The following MPPE1 variants were observed in gnomAD, a reference collection of about 807,000 sequenced individuals.
MPPE1 encodes metallo phosphoesterase.
Under a neutral mutation model 43.8 loss-of-function variants are expected in MPPE1, and 28 were observed. That is an observed-to-expected ratio of 0.64 (90% CI 0.47 to 0.88). The LOEUF (loss-of-function observed/expected upper bound fraction) is 0.88, where lower values mean the gene tolerates loss of function less well. Among genes scored for constraint, MPPE1 ranks in the 40% least tolerant of loss-of-function variants. The pLI, the probability that MPPE1 is intolerant of heterozygous loss-of-function variation, is 0.00. For synonymous variants in MPPE1, 159 were observed against 188.5 expected, an observed-to-expected ratio of 0.84 and a Z score of 1.28; for missense variants, 428 against 492.2, an observed-to-expected ratio of 0.87 and a Z score of 1.23.
chr18:11,896,082 CTTA>C (rs2038567754), intron 3 of MPPE1, among the ~76,000 whole-genome samples: 1 of 102,166 alleles, frequency 9.8e-6, no homozygotes, highest in African/African-American at 4.8e-5. Flanking sequence ...TTTCATTATT[CTTA>C]TTCTTTATTC....
At chr18:11,903,201 T>G (rs924755140) in intron 2 of MPPE1, among the ~76,000 whole-genome samples, 4 of 151,870 alleles carry the variant, frequency 2.6e-5, no homozygotes, top group African/African-American at 9.7e-5. Flanking sequence ...GGAGAGACAA[T>G]CTCCTGAGGG....
At chr18:11,896,082 C>CT (rs139076553) in intron 3 of MPPE1, among the ~76,000 whole-genome samples, 1,123 of 101,922 alleles carry the variant, frequency 0.011, 23 homozygotes, top group East Asian at 0.04. Context: ...TTTCATTATT[C>CT]TTATTCTTTA....
At chr18:11,903,202 C>T (rs1156620332) in intron 2 of MPPE1, among the ~76,000 whole-genome samples, 2 of 152,174 alleles carry the variant, frequency 1.3e-5, no homozygotes, top group Non-Finnish European at 2.9e-5. Context: ...GAGAGACAAT[C>T]TCCTGAGGGT....
intron 3 of MPPE1, chr18:11,895,074 C>T (rs2038446792): frequency 6.6e-6 from 1 of 152,216 alleles, no homozygotes; most frequent in Non-Finnish European, 1.5e-5. Flanking sequence ...GAATCCAAAC[C>T]TTTCCTCCTT....
Position 11,893,273 on chromosome 18 carries a change from T to C in MPPE1, c.390+195A>G, listed in dbSNP as rs1473795692. On this transcript the variant is annotated intron_variant, in intron 4 of 10. Transcript: ENST00000588072. ...TACAATTAGCCAACCTAACTCAAGA[T>C]TGAGTTGTTCTAATAATCTTAGATA... 7 of 535,030 alleles carry C rather than the reference T, an allele frequency of 1.3e-5. No homozygotes were observed. The African/African-American group carries it at 1.3e-4, about 10-fold the overall frequency. 33.1% of individuals were successfully genotyped at this position (535,030 alleles called of 1,614,324 possible).
chr18:11,907,475 C>T (rs1394215938), intron 1 of MPPE1, among the ~76,000 whole-genome samples: 1 of 152,112 alleles, frequency 6.6e-6, no homozygotes, highest in African/African-American at 2.4e-5. Flanking sequence ...TGTCACCAGC[C>T]ATGGTCACTC....
Position 11,886,653 on chromosome 18 carries a change from C to CT in MPPE1, c.745-33dup, listed in dbSNP as rs2037305421. On this transcript the variant is annotated intron_variant, in intron 8 of 10. Transcript: ENST00000588072. This position sits in a 1 kb window ranked among gnomAD's most constrained non-coding sequence, Gnocchi z 4.1. Reference sequence around the variant, plus strand: ...GGGGTGGAGAGAGGAGTTCAGGCGGCTATCGTGAAACCACAGGCTGCCTGC... The same window carrying CT: ...GGGGTGGAGAGAGGAGTTCAGGCGGCTTATCGTGAAACCACAGGCTGCCTGC... 6.2e-7 allele frequency: 1 copy of CT among 1,613,962 alleles called. No individual in the cohort carries two copies. Among genetic ancestry groups the CT allele is most frequent in the Admixed American group, 1.7e-5 (1 of 59,990 alleles).
At chr18:11,891,184 A>C (rs2037957773) in intron 4 of MPPE1, 1 of 152,188 alleles carries the variant, frequency 6.6e-6, no homozygotes, top group Non-Finnish European at 1.5e-5. Context: ...TAACATTTAA[A>C]GTTAGATGGC....
intron 2 of MPPE1, chr18:11,902,179 G>A (rs1316441132): frequency 6.6e-6 from 1 of 152,218 alleles, no homozygotes; most frequent in East Asian, 1.9e-4. Flanking sequence ...GACTGTCCCA[G>A]ACAACTCAGG....
intron 2 of MPPE1, chr18:11,902,128 A>G (rs1662609): frequency 0.33 from 49,600 of 152,186 alleles, 10,244 homozygotes; most frequent in African/African-American, 0.58. Flanking sequence ...AGTGAAAAAT[A>G]TCACTAATAA....
intron 2 of MPPE1, among the ~76,000 whole-genome samples, chr18:11,898,058 GTTTGTTTTGT>G (rs142163769): frequency 5.3e-5 from 8 of 151,216 alleles, no homozygotes; most frequent in African/African-American, 1.2e-4. Context: ...GTTTTTGTTT[GTTTGTTTTGT>G]TTTGTTTTGT....
chr18:11,887,694 G>A (rs988194267), intron 6 of MPPE1, among the ~76,000 whole-genome samples: 6 of 152,160 alleles, frequency 3.9e-5, no homozygotes, highest in Non-Finnish European at 7.3e-5. Context: ...TTGGAATGAC[G>A]AAAGTACCTG....
At position 11,886,687 on chromosome 18, in the gene MPPE1, A is replaced by G. The variant is rs2037313236; in HGVS notation, c.744+26T>C. ...AACCACAGGCTGCCTGCTGTCTGCC[A>G]TGAGCCCTTTCCTCCCCCAGCTCAC... On this transcript the variant is annotated intron_variant, in intron 8 of 10. Coordinates refer to ENST00000588072, the MANE Select transcript of MPPE1 (RefSeq NM_023075.6). This position sits in a 1 kb window ranked among gnomAD's most constrained non-coding sequence, Gnocchi z 4.1. 1.2e-6 allele frequency: 2 copies of G among 1,613,800 alleles called. No individual in the cohort carries two copies. Among genetic ancestry groups the G allele is most frequent in the Admixed American group, 1.7e-5 (1 of 59,998 alleles).
At chr18:11,892,708 A>G (rs2038143542) in intron 4 of MPPE1, among the ~76,000 whole-genome samples, 1 of 152,062 alleles carries the variant, frequency 6.6e-6, no homozygotes, top group Non-Finnish European at 1.5e-5. Flanking sequence ...TTGGCCTTCC[A>G]AAGTGCTGGT....
Position 11,884,528 on chromosome 18 carries a change from C to A in MPPE1, c.1108G>T (p.Val370Phe), listed in dbSNP as rs759150741. The change falls in exon 11 of 11, where the codon GTC becomes TTC. Residue 370 changes from valine (V) to phenylalanine (F), a missense_variant. Transcript: ENST00000588072. ...AGCCCAAAGTGAGTGAGTGTGAGGA[C>A]CACAAGGAAGCCCACCACTCCACAG... ...IYCGVVGFLVVLTLTHFGLLA... is the reference protein window; with the variant it reads ...IYCGVVGFLVFLTLTHFGLLA... 7 of 1,614,066 alleles carry A rather than the reference C, an allele frequency of 4.3e-6. No homozygotes were observed. The highest frequency in any genetic ancestry group is 1.3e-5 in the African/African-American group (1 of 75,028).
intron 4 of MPPE1, among the ~76,000 whole-genome samples, chr18:11,892,232 C>T (rs188910535): frequency 2.7e-3 from 416 of 151,366 alleles, no homozygotes; most frequent in African/African-American, 9.5e-3. Flanking sequence ...CTCAGCTACT[C>T]GAGAGGTTGA....
chr18:11,898,378 T>C lies in MPPE1; in HGVS notation c.-92-1022A>G, dbSNP rs929649834. 4.6e-5 allele frequency among the ~76,000 whole-genome samples: 7 copies of C among 152,150 alleles called. No homozygotes were observed. In the South Asian group the frequency reaches 1.5e-3, roughly 32 times the overall value. On this transcript the variant is annotated intron_variant, in intron 2 of 10. Coordinates refer to ENST00000588072, the MANE Select transcript of MPPE1 (RefSeq NM_023075.6). The stretch of plus-strand genomic sequence containing the variant: ...TGAGCCACTTTGCCAGGCCAGTTTA[T>C]AGTTTAACTTTGAAGCAAGGATGAT...
At chr18:11,900,885 C>A (rs575697768) in intron 2 of MPPE1, among the ~76,000 whole-genome samples, 3 of 140,840 alleles carry the variant, frequency 2.1e-5, no homozygotes, top group Non-Finnish European at 4.5e-5. Context: ...CCAGCCTGGG[C>A]GACAGAGCAA....
chr18:11,884,763 G>T, intron 10 of MPPE1, 136 bp from the exon 11 acceptor site: 1 of 1,323,436 alleles, frequency 7.6e-7, no homozygotes. Flanking sequence ...CCTCACCTGA[G>T]ACCAAGGGGG....
Sources: gnomAD v4.1 joint callset for allele counts (sites outside exome capture counted in the v4.1 genomes callset) on GRCh38, gnomAD v4.1.1 for gene constraint, Gnocchi (gnomAD v3.1) non-coding constraint, MANE v1.5 for transcripts, NCBI Gene and HGNC (gene_info 2026-07-23, HGNC 2026-07-21) for gene names.